The following SLCO4C1 variants were observed in gnomAD, a reference collection of about 807,000 sequenced individuals.
SLCO4C1 encodes organic anion transporter M1.
A neutral mutation model predicts 72.1 loss-of-function variants in SLCO4C1; 58 were observed. That is an observed-to-expected ratio of 0.80 (90% confidence interval 0.65 to 1.00). The LOEUF is 1.00. Among genes scored for constraint, SLCO4C1 ranks in the 50% least tolerant of loss-of-function variants. The probability of loss-of-function intolerance (pLI) is 0.00; values close to 1 mark genes in which losing one functional copy is unlikely to be tolerated. For missense variants in SLCO4C1, 898 were observed against 857.9 expected, an observed-to-expected ratio of 1.05 and a Z score of -0.58; for synonymous variants, 297 against 312.5, an observed-to-expected ratio of 0.95 and a Z score of 0.52.
intron 2 of SLCO4C1, among the ~76,000 whole-genome samples, chr5:102,288,797 C>T (rs1262130520): frequency 3.9e-5 from 6 of 152,200 alleles, no homozygotes; most frequent in Non-Finnish European, 5.9e-5. Context: ...CAGATATTAT[C>T]ACTGTAGCCT....
rs1378067566 is a variant in SLCO4C1 at position 102,291,378 on chromosome 5, A to T, written c.584T>A (p.Phe195Tyr). 2 of 1,613,934 alleles carry T rather than the reference A, an allele frequency of 1.2e-6. No individual in the cohort carries two copies. Among genetic ancestry groups the T allele is most frequent in the South Asian group, 2.2e-5 (2 of 91,006 alleles). The stretch of plus-strand genomic sequence containing the variant: ...AGACCCCAATTTATATTCTCCACTG[A>T]AAAATTGTGGCAATGAGAATACAAG... Reference protein sequence around the residue: ...GALVFSLPQFFSGEYKLGSLF... With the variant: ...GALVFSLPQFYSGEYKLGSLF... The change falls in exon 2 of 13, where the codon TTC becomes TAC. Residue 195 changes from phenylalanine (F) to tyrosine (Y), a missense_variant. Transcript: ENST00000310954.
intron 9 of SLCO4C1, among the ~76,000 whole-genome samples, chr5:102,248,525 G>A (rs1158743371): frequency 1.3e-5 from 2 of 152,046 alleles, no homozygotes; most frequent in Admixed American, 6.6e-5. Flanking sequence ...GATTTTCTGT[G>A]TTGTTCCCTT....
chr5:102,247,851 A>G (rs1748662815), intron 9 of SLCO4C1, among the ~76,000 whole-genome samples: 1 of 151,670 alleles, frequency 6.6e-6, no homozygotes. Flanking sequence ...TAAGGCCTCA[A>G]CGAATCAGAG....
Position 102,236,377 on chromosome 5 carries a change from C to T in SLCO4C1, c.*481G>A, listed in dbSNP as rs1748431951. On this transcript the variant is annotated 3_prime_UTR_variant, in exon 13 of 13. Transcript: ENST00000310954. ...ATAATTCCCGGAAATCATCACACAA[C>T]TTTGATTAGTTTAAATTTTTATACC... 6.6e-6 allele frequency: 1 copy of T among 152,410 alleles called. No homozygotes were observed. Among genetic ancestry groups the T allele is most frequent in the Non-Finnish European group, 1.5e-5 (1 of 68,236 alleles). 9.4% of individuals were successfully genotyped at this position (152,410 alleles called of 1,614,324 possible). A position where few individuals can be genotyped will look rare whatever the true frequency, so the allele number is the denominator to read the frequency against.
chr5:102,238,214 T>C (rs960474084), intron 12 of SLCO4C1, among the ~76,000 whole-genome samples: 1 of 152,160 alleles, frequency 6.6e-6, no homozygotes, highest in African/African-American at 2.4e-5. Context: ...CATCATTGAC[T>C]AGGAAAATGA....
chr5:102,240,915 T>C (rs1748528139), intron 10 of SLCO4C1, 133 bp from the exon 11 acceptor site: 4 of 551,142 alleles, frequency 7.3e-6, no homozygotes, highest in Non-Finnish European at 1.3e-5. Flanking sequence ...AATGCATTTG[T>C]AAGAGCTTAT....
chr5:102,288,828 C>A (rs1262992530), intron 2 of SLCO4C1, among the ~76,000 whole-genome samples: 3 of 152,212 alleles, frequency 2.0e-5, no homozygotes, highest in African/African-American at 7.2e-5. Context: ...TCATACTTAA[C>A]CTTTAACACA....
rs900747351 is a variant in SLCO4C1 at position 102,267,057 on chromosome 5, T to G, written c.803-3277A>C. Among the ~76,000 whole-genome samples, 7 of 152,310 alleles carry G rather than the reference T, an allele frequency of 4.6e-5. No homozygotes were observed. In the East Asian group the frequency reaches 7.7e-4, roughly 17 times the overall value. On this transcript the variant is annotated intron_variant, in intron 3 of 12. Coordinates refer to ENST00000310954, the MANE Select transcript of SLCO4C1 (RefSeq NM_180991.5). ...AATTTTGTTGAGGAATTTGTATCTA[T>G]GTTCATTAGGGATATTGGCTTGTAG...
chr5:102,280,119 G>GAAAAA (rs1749327303), intron 2 of SLCO4C1, among the ~76,000 whole-genome samples: 1 of 99,776 alleles, frequency 1.0e-5, no homozygotes, highest in Non-Finnish European at 2.0e-5. Flanking sequence ...AAAAAAAAGA[G>GAAAAA]AAAGAAAATT....
intron 10 of SLCO4C1, among the ~76,000 whole-genome samples, chr5:102,243,096 T>C (rs1187571772): frequency 6.6e-6 from 1 of 152,134 alleles, no homozygotes; most frequent in Non-Finnish European, 1.5e-5. Context: ...TGGAGGGGCC[T>C]ATGGGGTGAA....
At chr5:102,278,870 T>C (rs1462087643) in intron 2 of SLCO4C1, among the ~76,000 whole-genome samples, 1 of 151,716 alleles carries the variant, frequency 6.6e-6, no homozygotes, top group Non-Finnish European at 1.5e-5. Flanking sequence ...TTTATAGCAC[T>C]AAAATGCATA....
In SLCO4C1 at chr5:102,236,577, TGTGC is replaced by T; in HGVS notation, c.*277_*280del. 1 of 224,442 alleles carries T rather than the reference TGTGC, an allele frequency of 4.5e-6. No homozygotes were observed. Among genetic ancestry groups the T allele is most frequent in the Non-Finnish European group, 7.8e-6 (1 of 127,580 alleles). The allele number at this position is 224,442 out of a possible 1,614,324, so 13.9% of individuals were successfully genotyped here. ...TGGGAATAGGAAATAAGTGTGTATG[TGTGC>T]GTGTGTGTGTGTGTGTGTGTGTTCG... On this transcript the variant is annotated 3_prime_UTR_variant, in exon 13 of 13. Coordinates refer to ENST00000310954, the MANE Select transcript of SLCO4C1 (RefSeq NM_180991.5).
intron 3 of SLCO4C1, among the ~76,000 whole-genome samples, chr5:102,265,292 T>A (rs1749016070): frequency 6.6e-6 from 1 of 152,196 alleles, no homozygotes; most frequent in Non-Finnish European, 1.5e-5. Context: ...GATGATTGTT[T>A]CGTGTGCTGT....
At chr5:102,269,870 G>T (rs890597533) in intron 3 of SLCO4C1, among the ~76,000 whole-genome samples, 1 of 151,796 alleles carries the variant, frequency 6.6e-6, no homozygotes. Flanking sequence ...TATTCCTATA[G>T]ATATATCTAT....
intron 1 of SLCO4C1, among the ~76,000 whole-genome samples, chr5:102,292,032 C>A (rs150878067): frequency 0.02 from 3,014 of 152,074 alleles, 63 homozygotes; most frequent in African/African-American, 0.055. Flanking sequence ...ACCATGTTGG[C>A]CAGGCTGGTC....
chr5:102,243,873 T>G (rs1561365714), intron 10 of SLCO4C1, among the ~76,000 whole-genome samples: 1 of 152,264 alleles, frequency 6.6e-6, no homozygotes, highest in East Asian at 1.9e-4. Context: ...TTCTATCAGA[T>G]ATATTTTACA....
chr5:102,239,664 A>G (rs1748503479), intron 11 of SLCO4C1, among the ~76,000 whole-genome samples: 2 of 152,030 alleles, frequency 1.3e-5, no homozygotes, highest in African/African-American at 4.8e-5. Flanking sequence ...ATTTTAATTC[A>G]CCACTTTTCT....
rs779066824 is a variant in SLCO4C1 at position 102,257,196 on chromosome 5, A to C, written c.1388T>G (p.Val463Gly). ...TMKFALFTSG[V>G]ALTLSFVFMY... ...AAATACAAAACTCAGCGTAAGTGCA[A>C]CTCCAGATGTGAACAGTGCAAACTT... Residue 463 changes from valine (V) to glycine (G), a missense_variant, in exon 8 of 13, where the codon GTT (valine) becomes GGT (glycine). Coordinates refer to ENST00000310954, the MANE Select transcript of SLCO4C1 (RefSeq NM_180991.5). 9 of 1,608,884 alleles carry C rather than the reference A, an allele frequency of 5.6e-6. No individual in the cohort carries two copies. In the Admixed American group the frequency reaches 6.8e-5, roughly 12 times the overall value.
chr5:102,240,958 A>G (rs1468818604), intron 10 of SLCO4C1, among the ~76,000 whole-genome samples, 176 bp from the exon 11 acceptor site: 1 of 152,180 alleles, frequency 6.6e-6, no homozygotes, highest in Non-Finnish European at 1.5e-5. Flanking sequence ...TTATAAAAGA[A>G]GAAAAATGTT....
Sources: gnomAD v4.1 joint callset for allele counts (sites outside exome capture counted in the v4.1 genomes callset) on GRCh38, gnomAD v4.1.1 for gene constraint, MANE v1.5 for transcripts, NCBI Gene and HGNC (gene_info 2026-07-23, HGNC 2026-07-21) for gene names.